The following SYNE1 variants were observed in gnomAD, a reference collection of about 807,000 sequenced individuals.
SYNE1 encodes spectrin repeat containing nuclear envelope protein 1.
Under a neutral mutation model 1,111.0 loss-of-function variants are expected in SYNE1, and 616 were observed. The observed-to-expected ratio is 0.55, with a 90% CI of 0.52 to 0.59. The LOEUF (loss-of-function observed/expected upper bound fraction) is 0.59, where lower values mean the gene tolerates loss of function less well. Ranked by LOEUF, SYNE1 falls within the 20% of genes least tolerant of loss-of-function variation. The pLI is 0.00. For missense variants in SYNE1, 10,006 were observed against 10,417.0 expected (o/e 0.96, Z 1.72); for synonymous variants, 3,855 against 3,825.8 (o/e 1.01, Z -0.28).
Position 152,390,293 on chromosome 6 carries a change from C to T in SYNE1, c.8164G>A (p.Val2722Ile), listed in dbSNP as rs151091241. 11,964 of 1,613,912 alleles carry T rather than the reference C, an allele frequency of 7.4e-3. 60 individuals are homozygous for T. Among genetic ancestry groups the T allele is most frequent in the Non-Finnish European group, 8.4e-3 (9,872 of 1,179,914 alleles). ...EVWADIMSSS[V>I]HAQSTLESVI... The stretch of plus-strand genomic sequence containing the variant: ...TAGGTTCTGTACCTTTGAGCGTGGA[C>T]GGAGGAGCTCATGATGTCAGCCCAC... The change falls in exon 53 of 146, where the codon GTC becomes ATC. Residue 2722 changes from valine to isoleucine, a missense_variant. Around this residue, in one of 7 missense-constraint regions of SYNE1, gnomAD observed 4,955 missense variants for 5,017.2 expected, o/e 0.99. Transcript: ENST00000367255.
In SYNE1 at chr6:152,492,553, C is replaced by T. The variant is rs866128790; in HGVS notation, c.940-4050G>A. 5.9e-5 allele frequency among the ~76,000 whole-genome samples: 9 copies of T among 152,322 alleles called. No homozygotes were observed. The South Asian group carries it at 8.3e-4, about 14-fold the overall frequency. On this transcript the variant is annotated intron_variant, in intron 11 of 145. Transcript: ENST00000367255. ...CCTGGGATTCCTCCTAAGCCATGTCCCACTTGTGCAGGAACCCACTGGAAA... is the reference window on the plus strand; with the variant it reads ...CCTGGGATTCCTCCTAAGCCATGTCTCACTTGTGCAGGAACCCACTGGAAA...
chr6:152,143,446 G>A (rs565769020), intron 138 of SYNE1, among the ~76,000 whole-genome samples, 177 bp downstream of exon 138: 2 of 152,278 alleles, frequency 1.3e-5, no homozygotes, highest in African/African-American at 4.8e-5. Context: ...AAACAGACAA[G>A]TTCTACTCAA....
chr6:152,369,766 T>C (rs918884807), intron 59 of SYNE1, 152 bp from the exon 60 acceptor site: 3 of 874,710 alleles, frequency 3.4e-6, no homozygotes, highest in Non-Finnish European at 5.4e-6. Context: ...GCAGATAGCT[T>C]GAGCTCAGGA....
chr6:152,605,048 G>T (rs2099610402), intron 3 of SYNE1, among the ~76,000 whole-genome samples: 1 of 62,476 alleles, frequency 1.6e-5, no homozygotes, highest in African/African-American at 6.3e-5. Flanking sequence ...GAGGGAGGGA[G>T]GGAGGGAGGG....
At chr6:152,463,813 G>A (rs2098748350) in intron 18 of SYNE1, among the ~76,000 whole-genome samples, 1 of 152,132 alleles carries the variant, frequency 6.6e-6, no homozygotes, top group South Asian at 2.1e-4. Flanking sequence ...ATTTCTGTAA[G>A]TGTAAGAGAC....
rs185885715 is a variant in SYNE1 at position 152,453,661 on chromosome 6, T to C, written c.2952A>G (p.Glu984=). Residue 984 remains glutamate, a synonymous_variant, in exon 25 of 146, where the codon GAA becomes GAG. Transcript: ENST00000367255. The stretch of plus-strand genomic sequence containing the variant: ...CCTGCTCTGGAAGGATGTCGGTGAG[T>C]TCATCACAAGCTTTCAGGAAAGCAT... ...VLNAFLKACD[E]LTDILPEQEQ... is the part of the protein sequence containing the mutation. 3.7e-6 allele frequency: 6 copies of C among 1,614,138 alleles called. No homozygotes were observed. The African/African-American group carries it at 6.7e-5, about 18-fold the overall frequency.
chr6:152,502,790 G>A, intron 9 of SYNE1, 48 bp from the exon 10 acceptor site: 1 of 1,361,830 alleles, frequency 7.3e-7, no homozygotes, highest in Non-Finnish European at 1.0e-6. Flanking sequence ...GCATTCATTG[G>A]ATTTTGATAA....
Position 152,232,155 on chromosome 6 carries a change from T to C in SYNE1, c.20823A>G (p.Ile6941Met), listed in dbSNP as rs867970558. 2.5e-6 allele frequency: 4 copies of C among 1,605,606 alleles called. No individual in the cohort carries two copies. Among genetic ancestry groups the C allele is most frequent in the Middle Eastern group, 3.3e-4 (2 of 6,026 alleles). The part of the protein sequence containing the change: ...QKDEDNIKNS[I>M]GYKAIHEYLQ... ...GGTATTCATGAATTGCCTTGTAACC[T>C]ATGGAATTTTTAATATTATCTTCAT... Residue 6941 changes from isoleucine to methionine, a missense_variant, in exon 113 of 146, where the codon ATA (isoleucine) becomes ATG (methionine). Ile to Met is a conservative substitution (Grantham distance 10, BLOSUM62 1). Transcript: ENST00000367255.
chr6:152,148,392 C>A lies in SYNE1; in HGVS notation c.24643-14G>T. 3 of 1,610,962 alleles carry A rather than the reference C, an allele frequency of 1.9e-6. No individual in the cohort carries two copies. The highest frequency in any genetic ancestry group is 2.2e-5 in the East Asian group (1 of 44,750). On this transcript the variant is annotated splice_polypyrimidine_tract_variant and intron_variant, in intron 136 of 145. Coordinates refer to ENST00000367255, the MANE Select transcript of SYNE1 (RefSeq NM_182961.4). This position sits in a 1 kb window ranked among gnomAD's most constrained non-coding sequence, Gnocchi z 4.1. ...ATCGTCTGGGAGCTAGAAGGGAAGT[C>A]AAGGCAACCCTGTCACTGTAGTGGT...
At chr6:152,381,527 G>A in intron 55 of SYNE1, 165 bp from the exon 56 acceptor site, 1 of 742,016 alleles carries the variant, frequency 1.3e-6, no homozygotes, top group Non-Finnish European at 2.3e-6. Context: ...TATAATAGCG[G>A]GAGTTGTCAT....
intron 41 of SYNE1, among the ~76,000 whole-genome samples, chr6:152,413,812 TAGA>T (rs2098110073): frequency 6.6e-6 from 1 of 152,116 alleles, no homozygotes; most frequent in South Asian, 2.1e-4. Context: ...GCTTTGATGG[TAGA>T]AGATTTTCAA....
rs922810311 is a variant in SYNE1, at chr6:152,148,965, A to G, written c.24642+512T>C. 6.6e-6 allele frequency among the ~76,000 whole-genome samples: 1 copy of G among 152,158 alleles called. No individual in the cohort carries two copies. The highest frequency in any genetic ancestry group is 2.4e-5 in the African/African-American group (1 of 41,428). On this transcript the variant is annotated intron_variant, in intron 136 of 145. Coordinates refer to ENST00000367255, the MANE Select transcript of SYNE1 (RefSeq NM_182961.4). The surrounding 1 kb of genome is among the most constrained non-coding windows in gnomAD (Gnocchi z 4.1). ...TTCCAAATACTCTAATAACATCTCTATAAGTAAGATGTGATTATGGTAGCA... is the reference window on the plus strand; with the variant it reads ...TTCCAAATACTCTAATAACATCTCTGTAAGTAAGATGTGATTATGGTAGCA...
chr6:152,184,891 A>G (rs2069359745), intron 128 of SYNE1, among the ~76,000 whole-genome samples: 1 of 152,114 alleles, frequency 6.6e-6, no homozygotes, highest in African/African-American at 2.4e-5. Flanking sequence ...AAACATTACC[A>G]TCTCTTTCTT....
At chr6:152,631,083 A>T (rs916923697) in intron 2 of SYNE1, among the ~76,000 whole-genome samples, 4 of 152,226 alleles carry the variant, frequency 2.6e-5, no homozygotes, top group African/African-American at 9.6e-5. Flanking sequence ...GAGATAAAAC[A>T]TAGAAAAGAT....
chr6:152,342,631 A>C (rs1485724022), intron 74 of SYNE1, among the ~76,000 whole-genome samples: 1 of 152,218 alleles, frequency 6.6e-6, no homozygotes, highest in Non-Finnish European at 1.5e-5. Context: ...GTGCTAAAAA[A>C]TTAAATTATT....
In SYNE1 at chr6:152,189,811, C is replaced by T. The variant is rs542490587; in HGVS notation, c.23146-404G>A. ...TTGCTGGTGGAAGGTCTTGGCTCAA[C>T]GTGAAAGGCCATTGACTGATCCAGT... On this transcript the variant is annotated intron_variant, in intron 127 of 145. Coordinates refer to ENST00000367255, the MANE Select transcript of SYNE1 (RefSeq NM_182961.4). Among the ~76,000 whole-genome samples the T allele has an allele frequency of 5.3e-5, 8 of 152,298 alleles. No homozygotes were observed. In the South Asian group the frequency reaches 1.5e-3, roughly 28 times the overall value.
chr6:152,137,740 G>A (rs552395252), intron 140 of SYNE1, among the ~76,000 whole-genome samples: 45 of 152,262 alleles, frequency 3.0e-4, no homozygotes, highest in South Asian at 2.5e-3. Context: ...AATCTGTCTT[G>A]ATTTTGCACT....
intron 3 of SYNE1, among the ~76,000 whole-genome samples, chr6:152,590,012 G>A (rs556326767): frequency 1.4e-5 from 2 of 147,622 alleles, no homozygotes; most frequent in South Asian, 2.1e-4. Flanking sequence ...ATAGCTCACT[G>A]TAACCTCGAA....
rs1048827842 is a variant in SYNE1 at position 152,152,161 on chromosome 6, T to C, written c.24130-20A>G. On this transcript the variant is annotated intron_variant, in intron 133 of 145. Coordinates refer to ENST00000367255, the MANE Select transcript of SYNE1 (RefSeq NM_182961.4). The stretch of plus-strand genomic sequence containing the variant: ...GAAAGCCTAAGGCCACAGAGAAGCA[T>C]ATCAGTGTGAGAAATCAGCGAAGGA... The C allele has an allele frequency of 1.1e-5, 17 of 1,612,246 alleles. No individual in the cohort carries two copies. The highest frequency in any genetic ancestry group is 1.4e-5 in the Non-Finnish European group (17 of 1,178,872).
Sources: allele counts gnomAD v4.1 joint callset (sites outside exome capture counted in the v4.1 genomes callset), GRCh38; gene constraint gnomAD v4.1.1; regional missense constraint gnomAD v4.1.1; non-coding constraint Gnocchi (gnomAD v3.1); transcripts MANE v1.5; gene names NCBI Gene and HGNC (gene_info 2026-07-23, HGNC 2026-07-21).